COLQ: variants seen among roughly 807,000 people sequenced by gnomAD.
COLQ encodes acetylcholinesterase collagenic tail peptide.
COLQ carries 48 observed loss-of-function variants against 69.0 expected under a neutral mutation model. The observed-to-expected ratio is 0.70, with a 90% CI of 0.55 to 0.88. The LOEUF is 0.88. Among genes scored for constraint, COLQ ranks in the 40% least tolerant of loss-of-function variants. The pLI, the probability that COLQ is intolerant of heterozygous loss-of-function variation, is 0.00. For missense variants in COLQ, 618 were observed against 594.6 expected, an observed-to-expected ratio of 1.04 and a Z score of -0.41; for synonymous variants, 217 against 211.2, an observed-to-expected ratio of 1.03 and a Z score of -0.24.
intron 11 of COLQ, chr3:15,467,924 C>G (rs564235308): frequency 2.2e-6 from 1 of 456,720 alleles, no homozygotes; most frequent in East Asian, 6.9e-5. Context: ...ATATGGGATC[C>G]GTGAGGTCAG....
chr3:15,456,634 A>G (rs2125086734), intron 13 of COLQ, 55 bp from the exon 14 acceptor site: 1 of 1,606,468 alleles, frequency 6.2e-7, no homozygotes, highest in East Asian at 2.2e-5. Flanking sequence ...AGGGGGCAGG[A>G]AAAAAGCTGG....
chr3:15,491,701 C>G (rs886692744), intron 1 of COLQ, among the ~76,000 whole-genome samples: 17 of 152,180 alleles, frequency 1.1e-4, no homozygotes, highest in African/African-American at 3.9e-4. Flanking sequence ...TAGTACAGCA[C>G]GCTGACAGAC....
At position 15,489,596 on chromosome 3, in the gene COLQ, C is replaced by G; in HGVS notation, c.148G>C (p.Ala50Pro). 1 of 1,614,196 alleles carries G rather than the reference C, an allele frequency of 6.2e-7. No individual in the cohort carries two copies. The highest frequency in any genetic ancestry group is 8.5e-7 in the Non-Finnish European group (1 of 1,180,030). ...GGAGGAGGCGTCAGCAGGCAGCATGCTTTGTGGCCACCACGCTTCTTCTGA... is the reference window on the plus strand; with the variant it reads ...GGAGGAGGCGTCAGCAGGCAGCATGGTTTGTGGCCACCACGCTTCTTCTGA... ...LDQKKRGGHKACCLLTPPPPP... is the reference protein window; with the variant it reads ...LDQKKRGGHKPCCLLTPPPPP... Residue 50 changes from alanine (A) to proline (P), a missense_variant, in exon 2 of 17, where the codon GCA becomes CCA. Transcript: ENST00000383788.
At chr3:15,495,217 T>C (rs1053715989) in intron 1 of COLQ, among the ~76,000 whole-genome samples, 2 of 152,162 alleles carry the variant, frequency 1.3e-5, no homozygotes, top group Non-Finnish European at 2.9e-5. Context: ...GCTGGGTTTA[T>C]TGACTCACTG....
chr3:15,509,874 C>T (rs546037771), intron 1 of COLQ, among the ~76,000 whole-genome samples: 11 of 152,162 alleles, frequency 7.2e-5, no homozygotes, highest in South Asian at 6.2e-4. Flanking sequence ...TCTTCAGCAC[C>T]GAATAAGAGC....
intron 1 of COLQ, among the ~76,000 whole-genome samples, chr3:15,516,787 C>G (rs1440632211): frequency 6.6e-6 from 1 of 152,160 alleles, no homozygotes; most frequent in African/African-American, 2.4e-5. Context: ...TAATATAAAG[C>G]AATATTCAAT....
intron 1 of COLQ, among the ~76,000 whole-genome samples, chr3:15,507,886 C>T (rs11128747): frequency 0.41 from 62,458 of 151,892 alleles, 13,829 homozygotes; most frequent in East Asian, 0.62. Context: ...ATTATTTTTC[C>T]TATATATAGG....
At chr3:15,460,301 A>G (rs4143273) in intron 12 of COLQ, among the ~76,000 whole-genome samples, 84,466 of 152,078 alleles carry the variant, frequency 0.56, 24,531 homozygotes, top group African/African-American at 0.72. Context: ...AAAAGTCTTC[A>G]GAAGAGGGTA....
intron 14 of COLQ, 125 bp from the exon 15 acceptor site, chr3:15,456,144 G>T: frequency 8.5e-7 from 1 of 1,175,140 alleles, no homozygotes; most frequent in Non-Finnish European, 1.2e-6. Flanking sequence ...TCCCAGGGGT[G>T]GGAAAGGTAC....
chr3:15,487,689 TG>T (rs2062596530), intron 3 of COLQ, among the ~76,000 whole-genome samples: 1 of 152,198 alleles, frequency 6.6e-6, no homozygotes, highest in African/African-American at 2.4e-5. Context: ...TACTCTTGTT[TG>T]TCTAGAAATC....
In COLQ at chr3:15,451,713, C is replaced by T. The variant is rs754755194; in HGVS notation, c.1299G>A (p.Gly433=). ...GGGTGCATTGCAGGTCTCCATATGA[C>T]CTGAGGGAGGCAAAGACACGTTCTA... ...GYLTCETYLP[G]SYGDLQCTQY... is the part of the protein sequence containing the mutation. Residue 433 remains glycine (G), a splice_region_variant and synonymous_variant, in exon 17 of 17, where the codon GGG becomes GGA. Coordinates refer to ENST00000383788, the MANE Select transcript of COLQ (RefSeq NM_005677.4). 6.2e-7 allele frequency: 1 copy of T among 1,613,724 alleles called. No homozygotes were observed. Among genetic ancestry groups the T allele is most frequent in the South Asian group, 1.1e-5 (1 of 91,064 alleles).
intron 1 of COLQ, among the ~76,000 whole-genome samples, chr3:15,492,623 C>T (rs1028717718): frequency 6.6e-5 from 10 of 151,416 alleles, no homozygotes; most frequent in African/African-American, 1.2e-4. Flanking sequence ...GCCGAGATCG[C>T]GCCACTGCAC....
chr3:15,514,179 T>A (rs2063024393), intron 1 of COLQ, among the ~76,000 whole-genome samples: 1 of 152,190 alleles, frequency 6.6e-6, no homozygotes, highest in Non-Finnish European at 1.5e-5. Context: ...GACTTCTGAC[T>A]TCCAGAACCA....
intron 16 of COLQ, among the ~76,000 whole-genome samples, chr3:15,452,989 G>A (rs949072308): frequency 3.3e-5 from 5 of 152,186 alleles, no homozygotes; most frequent in South Asian, 4.2e-4. Flanking sequence ...AGAAGAGATC[G>A]GAAGCACCAG....
At chr3:15,467,370 C>G (rs1035221759) in intron 11 of COLQ, among the ~76,000 whole-genome samples, 1 of 152,192 alleles carries the variant, frequency 6.6e-6, no homozygotes, top group Non-Finnish European at 1.5e-5. Context: ...GTGAAACTAA[C>G]AAAGATCTCA....
intron 1 of COLQ, chr3:15,506,961 GTT>G (rs2062920382): frequency 6.6e-6 from 1 of 152,176 alleles, no homozygotes; most frequent in African/African-American, 2.4e-5. Flanking sequence ...CATGCACATT[GTT>G]TTCTTTTCTA....
intron 12 of COLQ, among the ~76,000 whole-genome samples, chr3:15,459,479 T>C (rs2062074562): frequency 8.4e-6 from 1 of 118,508 alleles, no homozygotes; most frequent in South Asian, 2.3e-4. Flanking sequence ...TAAGGCATCC[T>C]TTTTTTTTTT....
Position 15,458,337 on chromosome 3 carries a change from C to G in COLQ, c.815-12G>C, listed in dbSNP as rs774736540. On this transcript the variant is annotated splice_polypyrimidine_tract_variant and intron_variant, in intron 12 of 16. Transcript: ENST00000383788. The stretch of plus-strand genomic sequence containing the variant: ...CATTATAAGTTGTCCTAGGAAGCAA[C>G]AGACTGCTGTGTTACTAGAGCCAAG... The G allele has an allele frequency of 3.7e-6, 6 of 1,613,914 alleles. No individual in the cohort carries two copies. The highest frequency in any genetic ancestry group is 1.7e-5 in the Admixed American group (1 of 60,004).
chr3:15,462,111 C>G (rs58838160), intron 12 of COLQ, among the ~76,000 whole-genome samples: 2,827 of 152,146 alleles, frequency 0.019, 81 homozygotes, highest in African/African-American at 0.062. Flanking sequence ...TCACTGTAAC[C>G]TCCGCCTCCC....
Sources: allele counts gnomAD v4.1 joint callset (sites outside exome capture counted in the v4.1 genomes callset), GRCh38; gene constraint gnomAD v4.1.1; transcripts MANE v1.5; gene names NCBI Gene and HGNC (gene_info 2026-07-23, HGNC 2026-07-21).